HIBADH: variants seen among roughly 807,000 people sequenced by gnomAD.
HIBADH encodes the protein 3-hydroxyisobutyrate dehydrogenase, also known as 3-hydroxyisobutyrate dehydrogenase, mitochondrial.
In HIBADH, 25 loss-of-function variants were observed where a neutral mutation model predicts 36.1. That is an observed-to-expected ratio of 0.69 (90% CI 0.50 to 0.97). The LOEUF is 0.97. Ranked by LOEUF, HIBADH falls within the 50% of genes least tolerant of loss-of-function variation. The pLI, the probability that HIBADH is intolerant of heterozygous loss-of-function variation, is 0.00. For missense variants in HIBADH, 421 were observed against 418.0 expected, an observed-to-expected ratio of 1.01 and a Z score of -0.06; for synonymous variants, 160 against 149.5, an observed-to-expected ratio of 1.07 and a Z score of -0.51.
chr7:27,555,247 T>C (rs1784374187), intron 4 of HIBADH, among the ~76,000 whole-genome samples: 1 of 151,984 alleles, frequency 6.6e-6, no homozygotes, highest in Non-Finnish European at 1.5e-5. Flanking sequence ...TGGGGAGAAC[T>C]GTTCTTCCGG....
At chr7:27,644,901 G>A (rs1786035061) in intron 2 of HIBADH, among the ~76,000 whole-genome samples, 1 of 152,146 alleles carries the variant, frequency 6.6e-6, no homozygotes, top group South Asian at 2.1e-4. Context: ...GGACTTTCAG[G>A]AAAAGTCTAT....
intron 4 of HIBADH, among the ~76,000 whole-genome samples, chr7:27,623,909 C>T (rs565155588): frequency 1.6e-4 from 24 of 152,238 alleles, no homozygotes; most frequent in Non-Finnish European, 1.9e-4. Flanking sequence ...GTGATTCTCC[C>T]GCCTCAGCCT....
intron 2 of HIBADH, among the ~76,000 whole-genome samples, chr7:27,642,435 G>A (rs956733710): frequency 1.3e-5 from 2 of 151,982 alleles, no homozygotes; most frequent in African/African-American, 2.4e-5. Context: ...CCAACACCTC[G>A]TCACATCCAA....
chr7:27,633,742 A>G (rs1052622944), intron 2 of HIBADH, among the ~76,000 whole-genome samples: 1 of 152,102 alleles, frequency 6.6e-6, no homozygotes, highest in African/African-American at 2.4e-5. Flanking sequence ...TCTTCATTAA[A>G]AAAAGACAAA....
intron 4 of HIBADH, among the ~76,000 whole-genome samples, chr7:27,607,753 A>G (rs962981127): frequency 1.3e-5 from 2 of 152,192 alleles, no homozygotes; most frequent in African/African-American, 2.4e-5. Flanking sequence ...GCAAAAAAAA[A>G]AAATGTTATA....
chr7:27,650,319 A>G (rs1019179548), intron 1 of HIBADH, among the ~76,000 whole-genome samples: 2 of 151,714 alleles, frequency 1.3e-5, no homozygotes, highest in African/African-American at 2.4e-5. Context: ...ACCCAGGAGA[A>G]TGGAATCACC....
chr7:27,653,673 C>T (rs995653593), intron 1 of HIBADH, among the ~76,000 whole-genome samples: 1 of 151,092 alleles, frequency 6.6e-6, no homozygotes, highest in Non-Finnish European at 1.5e-5. Context: ...GGAGGCGGAG[C>T]TTGCAGTGAG....
At chr7:27,639,376 G>A (rs1447051220) in intron 2 of HIBADH, among the ~76,000 whole-genome samples, 1 of 152,074 alleles carries the variant, frequency 6.6e-6, no homozygotes, top group Non-Finnish European at 1.5e-5. Flanking sequence ...TTATAAGTGG[G>A]AGCAAAACAC....
chr7:27,642,642 GTTTTTTTTTTTT>G (rs71555706), intron 2 of HIBADH, among the ~76,000 whole-genome samples: 2 of 97,426 alleles, frequency 2.1e-5, no homozygotes, highest in African/African-American at 8.5e-5. Flanking sequence ...TAAATGTCTA[GTTTTTTTTTTTT>G]TTTTTTTTTT....
At chr7:27,613,139 T>G (rs1785356636) in intron 4 of HIBADH, among the ~76,000 whole-genome samples, 1 of 118,572 alleles carries the variant, frequency 8.4e-6, no homozygotes, top group African/African-American at 3.2e-5. Context: ...TATATTTATA[T>G]AAATATATTT....
chr7:27,597,549 A>G (rs1785052152), intron 4 of HIBADH, among the ~76,000 whole-genome samples: 1 of 151,962 alleles, frequency 6.6e-6, no homozygotes, highest in Non-Finnish European at 1.5e-5. Context: ...AAGAGGCACT[A>G]CCAGAATCCC....
At chr7:27,628,657 T>C (rs901717577) in intron 4 of HIBADH, among the ~76,000 whole-genome samples, 3 of 152,116 alleles carry the variant, frequency 2.0e-5, no homozygotes, top group African/African-American at 4.8e-5. Flanking sequence ...TGGTAAATTA[T>C]ATGCACAGAT....
At chr7:27,654,736 T>A (rs1034463155) in intron 1 of HIBADH, among the ~76,000 whole-genome samples, 25 of 151,650 alleles carry the variant, frequency 1.6e-4, no homozygotes, top group African/African-American at 6.1e-4. Flanking sequence ...TCGCCCAGGC[T>A]AGAGTGCAGT....
In HIBADH at chr7:27,598,700, A is replaced by G. The variant is rs373120036; in HGVS notation, c.484+30671T>C. Among the ~76,000 whole-genome samples, 9 of 152,332 alleles carry G rather than the reference A, an allele frequency of 5.9e-5. No homozygotes were observed. In the East Asian group the frequency reaches 1.4e-3, roughly 23 times the overall value. ...AAAACAGAGAAAGATAAAGGTCTCC[A>G]AACACTTTCCCAAAAAAGGGCCATA... On this transcript the variant is annotated intron_variant, in intron 4 of 7. Transcript: ENST00000265395.
At chr7:27,605,994 C>T (rs1420796042) in intron 4 of HIBADH, among the ~76,000 whole-genome samples, 5 of 152,060 alleles carry the variant, frequency 3.3e-5, no homozygotes, top group African/African-American at 1.2e-4. Flanking sequence ...GTTATTCATC[C>T]CACAGTTTAA....
chr7:27,531,442 C>T, intron 6 of HIBADH, 94 bp from the exon 7 acceptor site: 1 of 1,087,298 alleles, frequency 9.2e-7, no homozygotes, highest in East Asian at 2.6e-5. Context: ...CTTCTCTCTC[C>T]ATTTATTATA....
At chr7:27,588,337 TTTTG>T (rs1296236606) in intron 4 of HIBADH, among the ~76,000 whole-genome samples, 2 of 152,212 alleles carry the variant, frequency 1.3e-5, no homozygotes, top group Non-Finnish European at 2.9e-5. Context: ...TTTTATTTTC[TTTTG>T]TTTAAGAGAT....
chr7:27,526,734 G>T (rs930300882), intron 7 of HIBADH, among the ~76,000 whole-genome samples: 31 of 152,052 alleles, frequency 2.0e-4, no homozygotes, highest in African/African-American at 7.5e-4. Context: ...AAATAAAACT[G>T]CAAAACAGGA....
At chr7:27,595,675 AT>A (rs1785022695) in intron 4 of HIBADH, among the ~76,000 whole-genome samples, 2 of 151,900 alleles carry the variant, frequency 1.3e-5, no homozygotes, top group Admixed American at 1.3e-4. Context: ...GACAGATAAT[AT>A]TTATTGAATA....
Sources: gnomAD v4.1 joint callset for allele counts (sites outside exome capture counted in the v4.1 genomes callset) on GRCh38, gnomAD v4.1.1 for gene constraint, MANE v1.5 for transcripts, NCBI Gene and HGNC (gene_info 2026-07-23, HGNC 2026-07-21) for gene names.